SRGAP3: variants seen among roughly 807,000 people sequenced by gnomAD.
SRGAP3 encodes the protein SLIT-ROBO Rho GTPase-activating protein 3.
A neutral mutation model predicts 121.1 loss-of-function variants in SRGAP3; 39 were observed. The ratio of observed to expected loss-of-function variants is 0.32; its 90% confidence interval spans 0.25 to 0.42. The LOEUF (loss-of-function observed/expected upper bound fraction) is 0.42. Among genes scored for constraint, SRGAP3 ranks in the 10% least tolerant of loss-of-function variants. The probability of loss-of-function intolerance (pLI) is 1.00; values close to 1 mark genes in which losing one functional copy is unlikely to be tolerated. For missense variants in SRGAP3, 1,213 were observed against 1,470.6 expected, an observed-to-expected ratio of 0.82 and a Z score of 2.86; for synonymous variants, 601 against 570.0, an observed-to-expected ratio of 1.05 and a Z score of -0.77.
intron 3 of SRGAP3, among the ~76,000 whole-genome samples, chr3:9,092,632 T>C (rs985423421): frequency 7.9e-5 from 12 of 152,244 alleles, no homozygotes; most frequent in African/African-American, 2.9e-4. Flanking sequence ...GTTAGCTCTC[T>C]AAGCACCTTT....
At chr3:8,994,208 T>A in intron 19 of SRGAP3, 135 bp downstream of exon 19, 1 of 1,149,536 alleles carries the variant, frequency 8.7e-7, no homozygotes, top group Non-Finnish European at 1.3e-6. Context: ...TATTACCCAT[T>A]GTTAGAGAAG....
At chr3:9,137,471 T>C (rs909703924) in intron 1 of SRGAP3, among the ~76,000 whole-genome samples, 3 of 152,142 alleles carry the variant, frequency 2.0e-5, no homozygotes, top group African/African-American at 7.2e-5. Flanking sequence ...GCACAGTATA[T>C]TGGCTAGTAC....
rs1337431143 is a variant in SRGAP3, at chr3:8,992,949, T to A, written c.2515A>T (p.Thr839Ser). The change falls in exon 20 of 22, where the codon ACG (threonine) becomes TCG (serine). Residue 839 changes from threonine to serine, a missense_variant. Coordinates refer to ENST00000383836, the MANE Select transcript of SRGAP3 (RefSeq NM_014850.4). ...ASSKNDLQSPTEHISDYGFGG... is the reference protein window; with the variant it reads ...ASSKNDLQSPSEHISDYGFGG... ...AAGCCGTAATCCGAGATGTGCTCCG[T>A]GGGGGACTGGAGGTCGTTTTTGGAA... 3.1e-6 allele frequency: 5 copies of A among 1,614,150 alleles called. No homozygotes were observed. Among genetic ancestry groups the A allele is most frequent in the Non-Finnish European group, 3.4e-6 (4 of 1,180,032 alleles).
chr3:9,027,027 G>A, intron 12 of SRGAP3, 32 bp from the exon 13 acceptor site: 3 of 1,605,452 alleles, frequency 1.9e-6, no homozygotes, highest in Non-Finnish European at 2.6e-6. Flanking sequence ...AGTTTTATGG[G>A]GCTTGACAAC....
intron 1 of SRGAP3, among the ~76,000 whole-genome samples, chr3:9,336,357 A>G (rs1040247608): frequency 6.6e-6 from 1 of 152,038 alleles, no homozygotes; most frequent in Non-Finnish European, 1.5e-5. Context: ...CTGGGACTAT[A>G]TGCACACACC....
intron 1 of SRGAP3, among the ~76,000 whole-genome samples, chr3:9,188,918 A>G (rs1951676314): frequency 1.3e-5 from 2 of 152,264 alleles, no homozygotes. Flanking sequence ...AAAGAATTTG[A>G]GTAAACTTGA....
chr3:9,332,598 A>G (rs1388680613), intron 1 of SRGAP3, among the ~76,000 whole-genome samples: 1 of 152,242 alleles, frequency 6.6e-6, no homozygotes, highest in Non-Finnish European at 1.5e-5. Flanking sequence ...ATTACGCAAA[A>G]AAAAGAATGT....
chr3:9,165,742 C>G (rs1262479357), intron 1 of SRGAP3, among the ~76,000 whole-genome samples: 2 of 152,158 alleles, frequency 1.3e-5, no homozygotes, highest in African/African-American at 4.8e-5. Flanking sequence ...ATCCCCAGAG[C>G]CTTTGCATGC....
intron 1 of SRGAP3, among the ~76,000 whole-genome samples, chr3:9,183,897 C>A (rs1473042588): frequency 1.3e-5 from 2 of 151,648 alleles, no homozygotes; most frequent in Non-Finnish European, 2.9e-5. Context: ...GAAACTCAAT[C>A]CTCTGCGGCT....
chr3:9,131,059 G>A (rs912256327), intron 1 of SRGAP3, among the ~76,000 whole-genome samples: 17 of 152,232 alleles, frequency 1.1e-4, no homozygotes, highest in Non-Finnish European at 1.9e-4. Flanking sequence ...GAACCCTGAG[G>A]GCATTTGATT....
In SRGAP3 at chr3:8,981,574, T is replaced by C. The variant is rs576048144; in HGVS notation, c.*3945A>G. 1 of 233,010 alleles carries C rather than the reference T, an allele frequency of 4.3e-6. No individual in the cohort carries two copies. The highest frequency in any genetic ancestry group is 1.8e-4 in the South Asian group (1 of 5,518). The allele number at this position is 233,010 out of a possible 1,614,324, so 14.4% of individuals were successfully genotyped here. ...CCAGGTCACGAGAAGTCCTCCACAT[T>C]CGTGCCTCCTGAATGACAGAGAAAT... On this transcript the variant is annotated 3_prime_UTR_variant, in exon 22 of 22. Coordinates refer to ENST00000383836, the MANE Select transcript of SRGAP3 (RefSeq NM_014850.4).
intron 3 of SRGAP3, among the ~76,000 whole-genome samples, chr3:9,268,652 C>A (rs1034403263): frequency 1.6e-4 from 24 of 152,230 alleles, no homozygotes; most frequent in African/African-American, 5.8e-4. Flanking sequence ...TAAGGCAAAC[C>A]TGGATTCCTG....
At chr3:9,063,882 G>A (rs1362633436) in intron 5 of SRGAP3, among the ~76,000 whole-genome samples, 2 of 152,140 alleles carry the variant, frequency 1.3e-5, no homozygotes, top group African/African-American at 4.8e-5. Flanking sequence ...AATACACAGG[G>A]ATTCTAACTC....
chr3:9,028,666 C>G (rs1313480737), intron 12 of SRGAP3, among the ~76,000 whole-genome samples: 3 of 152,218 alleles, frequency 2.0e-5, no homozygotes, highest in African/African-American at 7.2e-5. Context: ...ACAAGGTACC[C>G]TCTGGATAGA....
intron 1 of SRGAP3, among the ~76,000 whole-genome samples, chr3:9,176,311 G>A (rs1951179152): frequency 6.6e-6 from 1 of 152,116 alleles, no homozygotes; most frequent in African/African-American, 2.4e-5. Flanking sequence ...ATGATGAGAT[G>A]GCATGAAAAT....
At chr3:9,296,936 G>A (rs756987944) in intron 3 of SRGAP3, among the ~76,000 whole-genome samples, 11 of 151,984 alleles carry the variant, frequency 7.2e-5, no homozygotes, top group Non-Finnish European at 1.6e-4. Context: ...CCAGGCTAGC[G>A]TACAGTGGTG....
chr3:9,229,708 A>G (rs1176291395), intron 1 of SRGAP3, among the ~76,000 whole-genome samples: 2 of 152,176 alleles, frequency 1.3e-5, no homozygotes, highest in Non-Finnish European at 2.9e-5. Context: ...TCATATTTCT[A>G]TCTATTTATA....
At chr3:9,026,792 C>T in intron 13 of SRGAP3, 143 bp downstream of exon 13, 3 of 882,428 alleles carry the variant, frequency 3.4e-6, no homozygotes, top group South Asian at 2.7e-5. Flanking sequence ...AGAAGAGCAG[C>T]TGCTGTGTGC....
chr3:9,268,631 G>A (rs748433207), intron 3 of SRGAP3, among the ~76,000 whole-genome samples: 6 of 152,078 alleles, frequency 3.9e-5, no homozygotes, highest in Admixed American at 1.3e-4. Flanking sequence ...CCCACAAGCC[G>A]AGGACCCAGG....
Sources: allele counts gnomAD v4.1 joint callset (sites outside exome capture counted in the v4.1 genomes callset), GRCh38; gene constraint gnomAD v4.1.1; transcripts MANE v1.5; gene names NCBI Gene and HGNC (gene_info 2026-07-23, HGNC 2026-07-21).